WDR49: variants seen among roughly 807,000 people sequenced by gnomAD.
The protein encoded by WDR49 is WD repeat domain 49.
WDR49 carries 107 observed loss-of-function variants against 119.5 expected under a neutral mutation model. The observed-to-expected ratio is 0.90, with a 90% CI of 0.77 to 1.05. The LOEUF (loss-of-function observed/expected upper bound fraction) is 1.05. WDR49 is among the 50% of genes least tolerant of loss of function. WDR49 has a pLI of 0.00. For missense variants in WDR49, 1,240 were observed against 1,220.5 expected, an observed-to-expected ratio of 1.02 and a Z score of -0.24; for synonymous variants, 425 against 418.8, an observed-to-expected ratio of 1.01 and a Z score of -0.18.
At chr3:167,599,777 C>A (rs1244974666) in intron 7 of WDR49, among the ~76,000 whole-genome samples, 2 of 150,680 alleles carry the variant, frequency 1.3e-5, no homozygotes, top group Admixed American at 1.3e-4. Flanking sequence ...AGGAAGTCAC[C>A]TTTACTTTAC....
chr3:167,551,968 T>C (rs1247309689), intron 10 of WDR49, among the ~76,000 whole-genome samples: 1 of 151,976 alleles, frequency 6.6e-6, no homozygotes, highest in African/African-American at 2.4e-5. Context: ...GCAGAGAAGA[T>C]ATCTGAACAA....
At chr3:167,580,767 G>A (rs1295610057) in intron 7 of WDR49, among the ~76,000 whole-genome samples, 3 of 151,992 alleles carry the variant, frequency 2.0e-5, no homozygotes, top group South Asian at 2.1e-4. Flanking sequence ...AGAATCCTGC[G>A]TTCTCACCTT....
chr3:167,483,963 C>G (rs1041251070), intron 18 of WDR49, among the ~76,000 whole-genome samples: 1 of 152,186 alleles, frequency 6.6e-6, no homozygotes, highest in Non-Finnish European at 1.5e-5. Context: ...ATAGTAACAT[C>G]TGCTAAGTTA....
chr3:167,580,892 G>A lies in WDR49; in HGVS notation c.1276-4741C>T, dbSNP rs144577074. On this transcript the variant is annotated intron_variant, in intron 7 of 18. Coordinates refer to ENST00000682715, the MANE Select transcript of WDR49 (RefSeq NM_001366157.1). ...AGAAGGGTTTTCTTTATTTTTAGTAGAGAAAACAGATTCACAAACTTTTAA... is the reference window on the plus strand; with the variant it reads ...AGAAGGGTTTTCTTTATTTTTAGTAAAGAAAACAGATTCACAAACTTTTAA... Among the ~76,000 whole-genome samples the A allele has an allele frequency of 4.9e-3, 751 of 152,094 alleles. 7 individuals are homozygous for A. Among genetic ancestry groups the A allele is most frequent in the African/African-American group, 0.017 (721 of 41,504 alleles).
intron 4 of WDR49, among the ~76,000 whole-genome samples, chr3:167,621,105 T>C (rs1253363813): frequency 6.6e-6 from 1 of 152,084 alleles, no homozygotes; most frequent in Non-Finnish European, 1.5e-5. Context: ...ATCAGAACAA[T>C]AAATTTGAAA....
intron 18 of WDR49, 59 bp from the exon 19 acceptor site, chr3:167,479,055 T>C: frequency 8.0e-7 from 1 of 1,254,290 alleles, no homozygotes; most frequent in Non-Finnish European, 1.1e-6. Flanking sequence ...CCTATTTAAA[T>C]GAAATAGTGG....
intron 10 of WDR49, among the ~76,000 whole-genome samples, chr3:167,539,403 A>C (rs1577226460): frequency 6.6e-6 from 1 of 152,130 alleles, no homozygotes; most frequent in African/African-American, 2.4e-5. Flanking sequence ...TTACACACAG[A>C]CCCACATCTA....
At chr3:167,515,653 G>A (rs927320550) in intron 16 of WDR49, among the ~76,000 whole-genome samples, 2 of 152,112 alleles carry the variant, frequency 1.3e-5, no homozygotes, top group Non-Finnish European at 2.9e-5. Context: ...TCAGGCAAGA[G>A]AAAGAAATAA....
intron 8 of WDR49, among the ~76,000 whole-genome samples, 164 bp from the exon 9 acceptor site, chr3:167,560,392 A>G (rs929237087): frequency 3.3e-5 from 5 of 152,190 alleles, no homozygotes; most frequent in African/African-American, 1.2e-4. Flanking sequence ...TAACATTTCA[A>G]TTTTGACTAG....
intron 8 of WDR49, chr3:167,566,916 G>A (rs746479687): frequency 1.7e-5 from 11 of 662,528 alleles, no homozygotes; most frequent in Non-Finnish European, 3.0e-5. Context: ...GAAAAGAAAG[G>A]GTTGGACTTA....
At chr3:167,629,575 T>C (rs1433823451) in intron 2 of WDR49, among the ~76,000 whole-genome samples, 5 of 152,076 alleles carry the variant, frequency 3.3e-5, no homozygotes, top group African/African-American at 7.2e-5. Context: ...TTATATGGTA[T>C]AGCTGCCATA....
rs145739861 is a variant in WDR49 at position 167,604,552 on chromosome 3, A to G, written c.959-84T>C. On this transcript the variant is annotated intron_variant, in intron 5 of 18. Transcript: ENST00000682715. ...TAAAATGGAGCTGTTTTAATATGGA[A>G]AGTTAAAAATTAAACTCAAACTATG... 94 of 1,342,358 alleles carry G rather than the reference A, an allele frequency of 7.0e-5. No individual in the cohort carries two copies. The African/African-American group carries it at 1.3e-3, about 18-fold the overall frequency. The allele number at this position is 1,342,358 out of a possible 1,614,324, so 83.2% of individuals were successfully genotyped here.
At chr3:167,495,883 G>GAAAAAAAAAAAAAAAAAAAAAAAATAAA in intron 18 of WDR49, among the ~76,000 whole-genome samples, 1 of 71,224 alleles carries the variant, frequency 1.4e-5, no homozygotes, top group Non-Finnish European at 2.7e-5. Flanking sequence ...TTAAAAATTT[G>GAAAAAAAAAAAAAAAAAAAAAAAATAAA]AAAAAAAAAA....
chr3:167,633,828 T>G (rs766815305), intron 2 of WDR49, among the ~76,000 whole-genome samples: 2 of 152,012 alleles, frequency 1.3e-5, no homozygotes, highest in Non-Finnish European at 2.9e-5. Context: ...TCTCAGGGTT[T>G]GCATGAAGTA....
At chr3:167,587,233 C>T (rs73878762) in intron 7 of WDR49, among the ~76,000 whole-genome samples, 2,087 of 152,166 alleles carry the variant, frequency 0.014, 45 homozygotes, top group African/African-American at 0.048. Context: ...TACAATGCTC[C>T]GGTATCCAAA....
chr3:167,627,307 C>T lies in WDR49; in HGVS notation c.166-15G>A, dbSNP rs1717175237. The T allele has an allele frequency of 1.6e-6, 2 of 1,234,418 alleles. No individual in the cohort carries two copies. The highest frequency in any genetic ancestry group is 1.6e-5 in the African/African-American group (1 of 64,390). The allele number at this position is 1,234,418 out of a possible 1,614,324, so 76.5% of individuals were successfully genotyped here. The stretch of plus-strand genomic sequence containing the variant: ...GGCTGTGGGGACTAGAAACAGGAAT[C>T]CAAAAACAATAATGAGACAACAGTG... On this transcript the variant is annotated splice_polypyrimidine_tract_variant and intron_variant, in intron 2 of 18. Coordinates refer to ENST00000682715, the MANE Select transcript of WDR49 (RefSeq NM_001366157.1).
chr3:167,528,380 A>G (rs1752712785), intron 14 of WDR49, among the ~76,000 whole-genome samples: 1 of 152,022 alleles, frequency 6.6e-6, no homozygotes, highest in African/African-American at 2.4e-5. Context: ...ATAAAAAAGA[A>G]AAAATCCCAA....
At chr3:167,570,791 A>G (rs2108279500) in intron 8 of WDR49, among the ~76,000 whole-genome samples, 1 of 152,344 alleles carries the variant, frequency 6.6e-6, no homozygotes, top group African/African-American at 2.4e-5. Flanking sequence ...CAATCCCAGC[A>G]CTTTGGGAAG....
intron 5 of WDR49, among the ~76,000 whole-genome samples, chr3:167,618,127 C>A (rs1194300397): frequency 6.6e-6 from 1 of 152,152 alleles, no homozygotes; most frequent in African/African-American, 2.4e-5. Flanking sequence ...TGCCCACGTT[C>A]TCTTTCTCTC....
Sources: allele counts gnomAD v4.1 joint callset (sites outside exome capture counted in the v4.1 genomes callset), GRCh38; gene constraint gnomAD v4.1.1; transcripts MANE v1.5; gene names NCBI Gene and HGNC (gene_info 2026-07-23, HGNC 2026-07-21).